SLC25A21: variants seen among roughly 807,000 people sequenced by gnomAD.
The protein encoded by SLC25A21 is mitochondrial 2-oxodicarboxylate carrier.
A neutral mutation model predicts 43.8 loss-of-function variants in SLC25A21; 47 were observed. The observed-to-expected ratio is 1.07, with a 90% CI of 0.85 to 1.37. The LOEUF is 1.37. SLC25A21 is among the 40% of genes most tolerant of loss of function. The probability of loss-of-function intolerance (pLI) is 0.00; values close to 1 mark genes in which losing one functional copy is unlikely to be tolerated. For synonymous variants in SLC25A21, 131 were observed against 121.3 expected (o/e 1.08, Z -0.52); for missense variants, 352 against 350.2 (o/e 1.00, Z -0.04).
At chr14:36,772,512 T>C (rs939977665) in intron 3 of SLC25A21, among the ~76,000 whole-genome samples, 1 of 152,176 alleles carries the variant, frequency 6.6e-6, no homozygotes, top group East Asian at 1.9e-4. Context: ...TTCTTTTTCA[T>C]AGAAATCAAG....
intron 1 of SLC25A21, among the ~76,000 whole-genome samples, chr14:37,125,959 T>C (rs975195123): frequency 2.0e-5 from 3 of 152,186 alleles, no homozygotes; most frequent in Non-Finnish European, 4.4e-5. Context: ...GTAGTTTGAG[T>C]ACTGAATGAT....
At chr14:36,954,076 C>T (rs1566766841) in intron 1 of SLC25A21, among the ~76,000 whole-genome samples, 1 of 152,124 alleles carries the variant, frequency 6.6e-6, no homozygotes, top group Non-Finnish European at 1.5e-5. Context: ...TACTGGTGGC[C>T]ACAACCAAAC....
chr14:36,751,704 C>G (rs1222976746), intron 3 of SLC25A21, among the ~76,000 whole-genome samples: 1 of 152,164 alleles, frequency 6.6e-6, no homozygotes, highest in Non-Finnish European at 1.5e-5. Context: ...AATCGTACTT[C>G]TAATTTCATC....
chr14:36,690,223 C>G (rs1882738196), intron 7 of SLC25A21, among the ~76,000 whole-genome samples: 1 of 152,026 alleles, frequency 6.6e-6, no homozygotes, highest in African/African-American at 2.4e-5. Flanking sequence ...ACAAAAATTG[C>G]TATACATGTT....
chr14:37,161,996 TA>T (rs888940153), intron 1 of SLC25A21, among the ~76,000 whole-genome samples: 57 of 137,816 alleles, frequency 4.1e-4, no homozygotes, highest in Non-Finnish European at 6.9e-4. Context: ...AATCTAATAT[TA>T]AAAAAAAAAT....
intron 3 of SLC25A21, among the ~76,000 whole-genome samples, chr14:36,779,241 GATAAT>G (rs987535210): frequency 5.5e-4 from 79 of 143,618 alleles, no homozygotes; most frequent in African/African-American, 8.6e-4. Context: ...ATAAGATATA[GATAAT>G]ATAATATATA....
At chr14:36,781,957 G>A (rs1023530087) in intron 3 of SLC25A21, among the ~76,000 whole-genome samples, 2 of 152,130 alleles carry the variant, frequency 1.3e-5, no homozygotes, top group African/African-American at 4.8e-5. Context: ...GCTTTCACCT[G>A]AGAAAGTCTT....
At chr14:36,937,470 G>A (rs552026616) in intron 1 of SLC25A21, among the ~76,000 whole-genome samples, 55 of 152,252 alleles carry the variant, frequency 3.6e-4, no homozygotes, top group South Asian at 6.2e-4. Context: ...TTTCCATTGC[G>A]GCCTATTGGT....
chr14:36,820,674 T>C (rs1205743692), intron 2 of SLC25A21, among the ~76,000 whole-genome samples: 1 of 152,178 alleles, frequency 6.6e-6, no homozygotes, highest in Non-Finnish European at 1.5e-5. Flanking sequence ...ATATTTGAGT[T>C]TGTTAGCCAT....
At chr14:36,863,995 C>T (rs1427116263) in intron 2 of SLC25A21, among the ~76,000 whole-genome samples, 1 of 152,130 alleles carries the variant, frequency 6.6e-6, no homozygotes, top group Admixed American at 6.5e-5. Context: ...ATTATCAAAG[C>T]AAAAATCTCA....
At chr14:36,855,966 G>A (rs1274896078) in intron 2 of SLC25A21, among the ~76,000 whole-genome samples, 2 of 152,154 alleles carry the variant, frequency 1.3e-5, no homozygotes, top group African/African-American at 4.8e-5. Context: ...AGTGAGTAGA[G>A]GCCTTAGATC....
At chr14:36,706,995 T>G (rs1263677771) in intron 7 of SLC25A21, among the ~76,000 whole-genome samples, 2 of 152,202 alleles carry the variant, frequency 1.3e-5, no homozygotes, top group Non-Finnish European at 2.9e-5. Flanking sequence ...TAGTGTGGCC[T>G]ACAAGGGCCA....
intron 2 of SLC25A21, among the ~76,000 whole-genome samples, chr14:36,837,373 T>C (rs7147010): frequency 0.65 from 98,309 of 151,596 alleles, 33,040 homozygotes; most frequent in South Asian, 0.81. Context: ...GCAGAGGAAG[T>C]GCGGCACACA....
At chr14:37,077,403 CTT>C (rs1004577137) in intron 1 of SLC25A21, among the ~76,000 whole-genome samples, 1 of 152,162 alleles carries the variant, frequency 6.6e-6, no homozygotes, top group African/African-American at 2.4e-5. Context: ...TTTGCTTTCT[CTT>C]TGTCTATCCC....
chr14:36,987,875 T>A (rs1207393331), intron 1 of SLC25A21, among the ~76,000 whole-genome samples: 1 of 152,210 alleles, frequency 6.6e-6, no homozygotes, highest in East Asian at 1.9e-4. Context: ...GAGAGCTCAT[T>A]TCATCATGTC....
At chr14:37,035,641 G>A (rs1183144045) in intron 1 of SLC25A21, among the ~76,000 whole-genome samples, 1 of 152,126 alleles carries the variant, frequency 6.6e-6, no homozygotes, top group Non-Finnish European at 1.5e-5. Flanking sequence ...CCCAGAGCCC[G>A]ATCACTGTGT....
At position 37,055,526 on chromosome 14, in the gene SLC25A21, G is replaced by A. The variant is rs1406736980; in HGVS notation, c.70+116755C>T. On this transcript the variant is annotated intron_variant, in intron 1 of 9. Transcript: ENST00000331299. Reference sequence around the variant, plus strand: ...CACCATAGAACTTCTTATGACTTGGGAGCCTTACAGCTTCAACCTGGGCCT... The same window carrying A: ...CACCATAGAACTTCTTATGACTTGGAAGCCTTACAGCTTCAACCTGGGCCT... Among the ~76,000 whole-genome samples, 4 of 152,216 alleles carry A rather than the reference G, an allele frequency of 2.6e-5. No individual in the cohort carries two copies. In the East Asian group the frequency reaches 5.8e-4, roughly 22 times the overall value.
At chr14:37,085,814 C>G (rs1962473352) in intron 1 of SLC25A21, among the ~76,000 whole-genome samples, 1 of 152,108 alleles carries the variant, frequency 6.6e-6, no homozygotes, top group Admixed American at 6.6e-5. Flanking sequence ...ACACTTACTT[C>G]TGAAAACTTG....
At chr14:36,681,577 T>C (rs536211075) in intron 9 of SLC25A21, among the ~76,000 whole-genome samples, 2 of 152,142 alleles carry the variant, frequency 1.3e-5, no homozygotes, top group South Asian at 4.1e-4. Context: ...TATCCTTTTA[T>C]GTCTAACTGT....
Sources: gnomAD v4.1 joint callset for allele counts (sites outside exome capture counted in the v4.1 genomes callset) on GRCh38, gnomAD v4.1.1 for gene constraint, MANE v1.5 for transcripts, NCBI Gene and HGNC (gene_info 2026-07-23, HGNC 2026-07-21) for gene names.